The following DLGAP2 variants were observed in gnomAD, a reference collection of about 807,000 sequenced individuals.
DLGAP2 encodes the protein disks large-associated protein 2.
DLGAP2 carries 26 observed loss-of-function variants against 100.3 expected under a neutral mutation model. The observed-to-expected ratio is 0.26, with a 90% CI of 0.19 to 0.36. DLGAP2 has a LOEUF of 0.36. DLGAP2 is among the 10% of genes least tolerant of loss of function. The pLI is 1.00. For synonymous variants in DLGAP2, 886 were observed against 630.1 expected (o/e 1.41, Z -6.08); for missense variants, 1,858 against 1,453.2 (o/e 1.28, Z -4.53).
At chr8:1,482,775 G>C (rs1264246666) in intron 3 of DLGAP2, among the ~76,000 whole-genome samples, 1 of 152,262 alleles carries the variant, frequency 6.6e-6, no homozygotes, top group Non-Finnish European at 1.5e-5. Context: ...AGTAGGAGCT[G>C]CAGGCAGCCG....
At chr8:987,509 C>T (rs1217379475) in intron 2 of DLGAP2, among the ~76,000 whole-genome samples, 1 of 152,178 alleles carries the variant, frequency 6.6e-6, no homozygotes, top group Admixed American at 6.5e-5. Context: ...GACGCCCCCA[C>T]GACCTTCCCT....
chr8:1,257,691 A>G (rs1438365233), intron 2 of DLGAP2, among the ~76,000 whole-genome samples: 1 of 151,276 alleles, frequency 6.6e-6, no homozygotes, highest in Non-Finnish European at 1.5e-5. Flanking sequence ...CGTGCAGGCC[A>G]GTGCTGGCGT....
chr8:927,075 G>T lies in DLGAP2; in HGVS notation c.73+19109G>T, dbSNP rs369686418. 70 of 985,458 alleles carry T rather than the reference G, an allele frequency of 7.1e-5. 1 individual carries two copies. The Admixed American group carries it at 3.0e-3, about 42-fold the overall frequency. The allele number at this position is 985,458 out of a possible 1,614,324, so 61.0% of individuals were successfully genotyped here. A position where few individuals can be genotyped will look rare whatever the true frequency, so the allele number is the denominator to read the frequency against. On this transcript the variant is annotated intron_variant, in intron 2 of 14. Transcript: ENST00000637795. ...AGGAGCCGATGTGGGAGAGATCCTC[G>T]TGGGAGGGCCCCAGTGGCCGGGATG...
At chr8:1,446,477 C>G (rs893173476) in intron 3 of DLGAP2, among the ~76,000 whole-genome samples, 1 of 152,146 alleles carries the variant, frequency 6.6e-6, no homozygotes, top group East Asian at 1.9e-4. Flanking sequence ...CAGTACCATG[C>G]TGTTTTGGTT....
chr8:1,495,447 C>T (rs563878892), intron 3 of DLGAP2, among the ~76,000 whole-genome samples: 10 of 152,302 alleles, frequency 6.6e-5, no homozygotes, highest in Non-Finnish European at 1.5e-4. Flanking sequence ...GAGACTGAGC[C>T]GGCCAGGGCA....
At chr8:1,563,439 C>T (rs1172437936) in intron 5 of DLGAP2, among the ~76,000 whole-genome samples, 5 of 92,690 alleles carry the variant, frequency 5.4e-5, no homozygotes, top group African/African-American at 2.1e-4. Context: ...GTCCGCGCCT[C>T]GTTACTGGGG....
intron 2 of DLGAP2, among the ~76,000 whole-genome samples, chr8:990,368 C>T (rs542149649): frequency 1.2e-4 from 14 of 116,032 alleles, no homozygotes; most frequent in South Asian, 3.2e-4. Context: ...TGCCCGGACC[C>T]CCTGCACCCC....
chr8:869,005 A>C (rs1797549387), intron 1 of DLGAP2, among the ~76,000 whole-genome samples: 1 of 152,192 alleles, frequency 6.6e-6, no homozygotes, highest in Non-Finnish European at 1.5e-5. Flanking sequence ...ACTTTGATCC[A>C]CAGAAAAGGC....
At chr8:1,282,451 C>G (rs1390363697) in intron 3 of DLGAP2, among the ~76,000 whole-genome samples, 2 of 119,596 alleles carry the variant, frequency 1.7e-5, no homozygotes, top group Non-Finnish European at 3.5e-5. Flanking sequence ...GACCTGAACC[C>G]AGCACATGAA....
At position 1,488,040 on chromosome 8, in the gene DLGAP2, T is replaced by G. The variant is rs11996768; in HGVS notation, c.107-13326T>G. 1.6e-4 allele frequency among the ~76,000 whole-genome samples: 24 copies of G among 151,716 alleles called. No homozygotes were observed. In the East Asian group the frequency reaches 4.7e-3, roughly 29 times the overall value. ...TTTCCATCATCGCTGAGAGTCTTCG[T>G]TGAGGAGGGCAGAGGTGTTGAGTTC... On this transcript the variant is annotated intron_variant, in intron 3 of 14. Transcript: ENST00000637795.
chr8:1,643,055 C>A (rs370848286), intron 8 of DLGAP2, among the ~76,000 whole-genome samples: 1 of 2,262 alleles, frequency 4.4e-4, no homozygotes, highest in African/African-American at 6.0e-3. Context: ...TCACCCTCGA[C>A]CCCGCCGGCC....
chr8:1,673,887 C>G (rs544649969), intron 10 of DLGAP2, among the ~76,000 whole-genome samples: 2 of 151,940 alleles, frequency 1.3e-5, no homozygotes, highest in African/African-American at 4.8e-5. Flanking sequence ...AGGAAAACTT[C>G]CTTTTACTTT....
chr8:1,205,626 G>A (rs1391730052), intron 2 of DLGAP2, among the ~76,000 whole-genome samples: 1 of 152,176 alleles, frequency 6.6e-6, no homozygotes, highest in African/African-American at 2.4e-5. Flanking sequence ...GCGTGAACCA[G>A]CCTCTGCTCA....
At chr8:1,632,799 G>T in intron 7 of DLGAP2, 28 bp from the exon 8 acceptor site, 1 of 1,572,116 alleles carries the variant, frequency 6.4e-7, no homozygotes. Flanking sequence ...GAGGGCCGGG[G>T]CATCACGTGT....
At chr8:1,386,673 G>A (rs538683240) in intron 3 of DLGAP2, among the ~76,000 whole-genome samples, 1 of 152,266 alleles carries the variant, frequency 6.6e-6, no homozygotes, top group South Asian at 2.1e-4. Flanking sequence ...ACAGAGGAAG[G>A]TGCGGGGATC....
At chr8:1,267,565 A>AAATGAT (rs1563051850) in intron 3 of DLGAP2, among the ~76,000 whole-genome samples, 12 of 49,054 alleles carry the variant, frequency 2.4e-4, no homozygotes, top group Non-Finnish European at 4.9e-4. Flanking sequence ...GCTCAAAATA[A>AAATGAT]AATAAAATAA....
chr8:1,291,473 G>A (rs990832133), intron 3 of DLGAP2, among the ~76,000 whole-genome samples: 10 of 152,130 alleles, frequency 6.6e-5, no homozygotes, highest in African/African-American at 1.7e-4. Flanking sequence ...AAAGGCAGAC[G>A]TATGGCTCCC....
intron 14 of DLGAP2, 37 bp downstream of exon 14, chr8:1,697,336 C>A: frequency 3.2e-6 from 5 of 1,552,446 alleles, no homozygotes; most frequent in Non-Finnish European, 4.4e-6. Context: ...CCCAGCAAAC[C>A]CCCTTTCTCA....
chr8:1,051,679 C>T (rs574432067), intron 2 of DLGAP2, among the ~76,000 whole-genome samples: 1 of 152,124 alleles, frequency 6.6e-6, no homozygotes, highest in African/African-American at 2.4e-5. Flanking sequence ...TGGTCCACAT[C>T]ACAGTTTAGA....
Sources: gnomAD v4.1 joint callset for allele counts (sites outside exome capture counted in the v4.1 genomes callset) on GRCh38, gnomAD v4.1.1 for gene constraint, MANE v1.5 for transcripts, NCBI Gene and HGNC (gene_info 2026-07-23, HGNC 2026-07-21) for gene names.